Variants in KAT7 observed in about 807,000 individuals in gnomAD.
KAT7 encodes the protein lysine acetyltransferase 7, also known as histone acetyltransferase KAT7.
KAT7 carries 10 observed loss-of-function variants against 82.1 expected under a neutral mutation model. The ratio of observed to expected loss-of-function variants is 0.12; its 90% CI spans 0.08 to 0.21. The LOEUF (loss-of-function observed/expected upper bound fraction) is 0.21. Among genes scored for constraint, KAT7 ranks in the 10% least tolerant of loss-of-function variants. The pLI is 1.00. For missense variants in KAT7, 378 were observed against 760.9 expected (o/e 0.50, Z 5.92); for synonymous variants, 250 against 262.5 (o/e 0.95, Z 0.46).
At chr17:49,820,717 A>G (rs1457609643) in intron 9 of KAT7, among the ~76,000 whole-genome samples, 1 of 145,046 alleles carries the variant, frequency 6.9e-6, no homozygotes, top group African/African-American at 2.6e-5. Flanking sequence ...AAGTGACCCT[A>G]GCTTCCTGCT....
intron 4 of KAT7, among the ~76,000 whole-genome samples, chr17:49,804,311 G>A (rs563461248): frequency 1.2e-4 from 18 of 151,876 alleles, no homozygotes; most frequent in African/African-American, 4.3e-4. Context: ...CCCAGGAGGC[G>A]GAACTTGCAG....
chr17:49,801,539 G>C (rs986491881), intron 4 of KAT7, among the ~76,000 whole-genome samples: 2 of 152,050 alleles, frequency 1.3e-5, no homozygotes, highest in Non-Finnish European at 2.9e-5. Context: ...ACCTAGGCTG[G>C]AGTGCAGTGG....
At chr17:49,796,614 A>G in intron 2 of KAT7, 136 bp from the exon 3 acceptor site, 1 of 617,114 alleles carries the variant, frequency 1.6e-6, no homozygotes, top group Non-Finnish European at 2.7e-6. Context: ...TATTTAATTA[A>G]ATAGATATTT....
intron 4 of KAT7, among the ~76,000 whole-genome samples, chr17:49,799,686 A>C (rs375328093): frequency 7.8e-4 from 119 of 151,846 alleles, no homozygotes; most frequent in Middle Eastern, 3.4e-3. Flanking sequence ...ATAGAGAGAC[A>C]GGGGTCTCAC....
intron 9 of KAT7, 132 bp from the exon 10 acceptor site, chr17:49,821,205 T>G (rs1018678415): frequency 3.2e-6 from 2 of 617,046 alleles, no homozygotes; most frequent in Admixed American, 6.6e-5. Context: ...TCTGTTTTGC[T>G]GTATGTTCTC....
chr17:49,815,439 A>G (rs970226281), intron 7 of KAT7: 2 of 160,748 alleles, frequency 1.2e-5, no homozygotes, highest in African/African-American at 4.8e-5. Flanking sequence ...AAATCTCAGG[A>G]TTCTGGGAAT....
chr17:49,798,605 C>G (rs771278338), intron 4 of KAT7, 47 bp downstream of exon 4: 1 of 1,539,654 alleles, frequency 6.5e-7, no homozygotes, highest in Non-Finnish European at 8.8e-7. Flanking sequence ...GTGGTTCTCT[C>G]TCCCAGGATC....
chr17:49,802,420 T>G (rs567744941), intron 4 of KAT7, among the ~76,000 whole-genome samples: 1 of 152,196 alleles, frequency 6.6e-6, no homozygotes, highest in South Asian at 2.1e-4. Context: ...GTAATCCCAG[T>G]ACTTTGGGAG....
At chr17:49,806,851 A>G (rs1489582372) in intron 5 of KAT7, among the ~76,000 whole-genome samples, 2 of 152,218 alleles carry the variant, frequency 1.3e-5, no homozygotes, top group African/African-American at 4.8e-5. Flanking sequence ...TGCAAGGGGC[A>G]TTAGGCGCAG....
intron 6 of KAT7, among the ~76,000 whole-genome samples, chr17:49,810,089 A>G (rs781279853): frequency 3.9e-5 from 6 of 152,202 alleles, no homozygotes; most frequent in Non-Finnish European, 5.9e-5. Context: ...GGGCAGGTCA[A>G]CTAACCTATT....
chr17:49,811,387 G>C, intron 6 of KAT7, 89 bp from the exon 7 acceptor site: 1 of 588,418 alleles, frequency 1.7e-6, no homozygotes, highest in South Asian at 3.0e-5. Context: ...GATTACAGGC[G>C]TGAGCTACTG....
intron 4 of KAT7, among the ~76,000 whole-genome samples, chr17:49,803,781 A>G (rs1010420234): frequency 6.6e-6 from 1 of 152,096 alleles, no homozygotes; most frequent in African/African-American, 2.4e-5. Context: ...ATGTCCTAAA[A>G]TCACCCATTC....
intron 11 of KAT7, among the ~76,000 whole-genome samples, chr17:49,822,911 A>G (rs1166503421): frequency 2.0e-5 from 3 of 152,086 alleles, no homozygotes; most frequent in East Asian, 1.9e-4. Flanking sequence ...GTGGGCTTCT[A>G]TATACTGAGT....
At position 49,829,477 on chromosome 17, in the gene KAT7, C is replaced by T. The variant is rs1435576565; in HGVS notation, c.*1975C>T. ...GATGCCTGTAGGAGATGGGAACAGACATTCCTTCTCATCTCCAAGCTCATT... is the reference window on the plus strand; with the variant it reads ...GATGCCTGTAGGAGATGGGAACAGATATTCCTTCTCATCTCCAAGCTCATT... On this transcript the variant is annotated 3_prime_UTR_variant, in exon 15 of 15. Coordinates refer to ENST00000259021, the MANE Select transcript of KAT7 (RefSeq NM_007067.5). 5 of 152,234 alleles carry T rather than the reference C, an allele frequency of 3.3e-5. No homozygotes were observed. Among genetic ancestry groups the T allele is most frequent in the Admixed American group, 3.3e-4 (5 of 15,284 alleles). 9.4% of individuals were successfully genotyped at this position (152,234 alleles called of 1,614,324 possible). A position where few individuals can be genotyped will look rare whatever the true frequency, so the allele number is the denominator to read the frequency against.
rs1327139619 is a variant in KAT7 at position 49,834,992 on chromosome 17, AG to A, written c.*7491del. On this transcript the variant is annotated 3_prime_UTR_variant, in exon 15 of 15. Transcript: ENST00000259021. Reference sequence around the variant, plus strand: ...GTGCTCCAGCCTGGGTGACAGAGCAAGACCCTGTCTCAAAAAATAAAAAAAT... The same window carrying A: ...GTGCTCCAGCCTGGGTGACAGAGCAAACCCTGTCTCAAAAAATAAAAAAAT... 1.3e-5 allele frequency: 2 copies of A among 152,290 alleles called. No homozygotes were observed. Among genetic ancestry groups the A allele is most frequent in the African/African-American group, 4.8e-5 (2 of 41,464 alleles). 9.4% of individuals were successfully genotyped at this position (152,290 alleles called of 1,614,324 possible).
At chr17:49,792,092 A>C in intron 2 of KAT7, 59 bp downstream of exon 2, 1 of 1,543,470 alleles carries the variant, frequency 6.5e-7, no homozygotes, top group Non-Finnish European at 8.9e-7. Context: ...GGCCCATCAC[A>C]TTATTTTCCT....
intron 12 of KAT7, chr17:49,823,541 T>C (rs2074331675): frequency 2.4e-6 from 1 of 409,898 alleles, no homozygotes; most frequent in Non-Finnish European, 4.4e-6. Flanking sequence ...GTAAGCTCTT[T>C]AGGATTATCC....
At chr17:49,795,276 T>C (rs1464065289) in intron 2 of KAT7, 2 of 158,354 alleles carry the variant, frequency 1.3e-5, no homozygotes, top group Non-Finnish European at 2.8e-5. Context: ...TACACTTACA[T>C]GTCAATTAAA....
rs190891147 is a variant in KAT7, at chr17:49,806,574, T to G, written c.663+1129T>G. ...AGCAGGAAAGGCTTCAGGTACTTCT[T>G]TCTCAGAAAATAACTGCGATCCCTG... On this transcript the variant is annotated intron_variant, in intron 5 of 14. Coordinates refer to ENST00000259021, the MANE Select transcript of KAT7 (RefSeq NM_007067.5). 2.0e-5 allele frequency among the ~76,000 whole-genome samples: 3 copies of G among 152,300 alleles called. No individual in the cohort carries two copies. The East Asian group carries it at 5.8e-4, about 29-fold the overall frequency.
Sources: allele counts gnomAD v4.1 joint callset (sites outside exome capture counted in the v4.1 genomes callset), GRCh38; gene constraint gnomAD v4.1.1; transcripts MANE v1.5; gene names NCBI Gene and HGNC (gene_info 2026-07-23, HGNC 2026-07-21).